The following THSD7B variants were observed in gnomAD, a reference collection of about 807,000 sequenced individuals.
The protein encoded by THSD7B is thrombospondin type 1 domain containing 7B.
A neutral mutation model predicts 213.6 loss-of-function variants in THSD7B; 138 were observed. That is an observed-to-expected ratio of 0.65 (90% CI 0.56 to 0.74). The LOEUF (loss-of-function observed/expected upper bound fraction) is 0.74, where lower values mean the gene tolerates loss of function less well. THSD7B is among the 30% of genes least tolerant of loss of function. The pLI is 0.00. For missense variants in THSD7B, 1,931 were observed against 1,991.5 expected (o/e 0.97, Z 0.58); for synonymous variants, 742 against 687.0 (o/e 1.08, Z -1.25).
At chr2:137,011,272 C>T (rs1457271798) in intron 2 of THSD7B, among the ~76,000 whole-genome samples, 1 of 152,136 alleles carries the variant, frequency 6.6e-6, no homozygotes, top group Non-Finnish European at 1.5e-5. Context: ...GCTTTATATT[C>T]CATTTGTTTC....
chr2:137,117,557 C>A (rs1688466838), intron 5 of THSD7B, among the ~76,000 whole-genome samples: 1 of 152,096 alleles, frequency 6.6e-6, no homozygotes, highest in African/African-American at 2.4e-5. Flanking sequence ...TTGTGAGTCA[C>A]TATTGACATC....
At chr2:137,042,160 T>C (rs934125258) in intron 2 of THSD7B, among the ~76,000 whole-genome samples, 3 of 151,766 alleles carry the variant, frequency 2.0e-5, no homozygotes, top group African/African-American at 7.3e-5. Context: ...ATCTCGGACT[T>C]TTACTGATGT....
At chr2:136,779,229 T>G (rs1227063435) in intron 1 of THSD7B, among the ~76,000 whole-genome samples, 1 of 151,618 alleles carries the variant, frequency 6.6e-6, no homozygotes, top group Non-Finnish European at 1.5e-5. Context: ...TGTGTGTGTG[T>G]GTGTGTGTGT....
intron 3 of THSD7B, among the ~76,000 whole-genome samples, chr2:137,082,942 T>C (rs905936179): frequency 7.9e-5 from 12 of 152,138 alleles, no homozygotes; most frequent in African/African-American, 2.9e-4. Context: ...ATTTAATATC[T>C]CAGTATGTCT....
At chr2:137,213,678 G>C (rs1201486071) in intron 7 of THSD7B, among the ~76,000 whole-genome samples, 3 of 151,786 alleles carry the variant, frequency 2.0e-5, no homozygotes, top group Non-Finnish European at 4.4e-5. Context: ...TGTTGGATTG[G>C]GCTGCCAAAA....
chr2:137,296,096 A>G (rs978589870), intron 12 of THSD7B, among the ~76,000 whole-genome samples: 2 of 152,102 alleles, frequency 1.3e-5, no homozygotes, highest in African/African-American at 4.8e-5. Flanking sequence ...GGGGAAAACA[A>G]TCCATTTGTG....
chr2:137,063,983 C>G (rs1445430885), intron 3 of THSD7B, among the ~76,000 whole-genome samples: 1 of 151,980 alleles, frequency 6.6e-6, no homozygotes, highest in Non-Finnish European at 1.5e-5. Context: ...TATGGGAGTT[C>G]AGCTATCTCT....
At chr2:137,334,983 A>T (rs1490518134) in intron 12 of THSD7B, among the ~76,000 whole-genome samples, 1 of 152,158 alleles carries the variant, frequency 6.6e-6, no homozygotes, top group African/African-American at 2.4e-5. Flanking sequence ...ACCTGTCAAG[A>T]GGTGACTTCT....
chr2:137,090,068 T>C (rs558427128), intron 3 of THSD7B, among the ~76,000 whole-genome samples: 45 of 151,336 alleles, frequency 3.0e-4, no homozygotes, highest in African/African-American at 1.0e-3. Context: ...ACACCACTGT[T>C]CTCCAATAAC....
rs1196992832 is a variant in THSD7B, at chr2:137,546,423, AT to A, written c.3139-16796del. Among the ~76,000 whole-genome samples the A allele has an allele frequency of 1.9e-3, 80 of 42,818 alleles. 2 individuals carry two copies. Among genetic ancestry groups the A allele is most frequent in the South Asian group, 2.0e-3 (3 of 1,464 alleles). The allele number at this position is 42,818 out of a possible 152,430, so 28.1% of individuals were successfully genotyped here. ...TATATATTATATATATATTATATAT[AT>A]TATATATATATTATATATATTATAT... On this transcript the variant is annotated intron_variant, in intron 15 of 27. Coordinates refer to ENST00000409968, the MANE Select transcript of THSD7B (RefSeq NM_001316349.2).
intron 14 of THSD7B, among the ~76,000 whole-genome samples, chr2:137,421,118 A>C (rs1212367161): frequency 6.6e-6 from 1 of 152,134 alleles, no homozygotes; most frequent in Non-Finnish European, 1.5e-5. Context: ...TGCAGGGAAA[A>C]ACACGCTGAC....
At chr2:137,330,832 T>A (rs1684485471) in intron 12 of THSD7B, among the ~76,000 whole-genome samples, 1 of 152,054 alleles carries the variant, frequency 6.6e-6, no homozygotes, top group Non-Finnish European at 1.5e-5. Context: ...GCAGCCTGCT[T>A]TTATTCTCTT....
At chr2:136,998,046 G>A (rs1306114680) in intron 2 of THSD7B, among the ~76,000 whole-genome samples, 1 of 151,858 alleles carries the variant, frequency 6.6e-6, no homozygotes, top group Non-Finnish European at 1.5e-5. Flanking sequence ...AAGGAGCTCG[G>A]GACAGGATTA....
chr2:137,616,362 TA>T, intron 18 of THSD7B, 46 bp downstream of exon 18: 2 of 1,564,902 alleles, frequency 1.3e-6, no homozygotes, highest in Non-Finnish European at 1.7e-6. Flanking sequence ...GAACATTGAC[TA>T]ATGAGAGAAT....
intron 15 of THSD7B, among the ~76,000 whole-genome samples, chr2:137,483,187 G>A (rs1688346433): frequency 6.6e-6 from 1 of 152,202 alleles, no homozygotes; most frequent in Admixed American, 6.5e-5. Context: ...AGTATTAAGA[G>A]TTCAAACTAA....
intron 1 of THSD7B, among the ~76,000 whole-genome samples, chr2:136,845,084 G>A (rs1682986150): frequency 6.6e-6 from 1 of 152,166 alleles, no homozygotes; most frequent in Admixed American, 6.5e-5. Context: ...CATGATCCAG[G>A]GCAGAGGGAG....
intron 3 of THSD7B, among the ~76,000 whole-genome samples, chr2:137,062,260 T>C (rs1687290495): frequency 6.6e-6 from 1 of 151,738 alleles, no homozygotes; most frequent in Non-Finnish European, 1.5e-5. Flanking sequence ...GGTTCATTAA[T>C]TTTATCAGTG....
At chr2:137,555,927 G>A (rs1223224209) in intron 15 of THSD7B, among the ~76,000 whole-genome samples, 2 of 152,160 alleles carry the variant, frequency 1.3e-5, no homozygotes, top group African/African-American at 4.8e-5. Context: ...TTGATTAACT[G>A]GAAGAAAGGG....
In THSD7B at chr2:137,052,642, T is replaced by C. The variant is rs184327457; in HGVS notation, c.140-3778T>C. On this transcript the variant is annotated intron_variant, in intron 2 of 27. Transcript: ENST00000409968. ...ATGCAACTGCTTACATTTTTAATTA[T>C]TTCTTTTATTTGTGAACTTGGACAA... Among the ~76,000 whole-genome samples the C allele has an allele frequency of 7.0e-4, 107 of 152,294 alleles. 1 individual carries two copies. Among genetic ancestry groups the C allele is most frequent in the African/African-American group, 2.5e-3 (106 of 41,582 alleles).
Sources: allele counts gnomAD v4.1 joint callset (sites outside exome capture counted in the v4.1 genomes callset), GRCh38; gene constraint gnomAD v4.1.1; transcripts MANE v1.5; gene names NCBI Gene and HGNC (gene_info 2026-07-23, HGNC 2026-07-21).